The following GRID1 variants were observed in gnomAD, a reference collection of about 807,000 sequenced individuals.
The protein encoded by GRID1 is glutamate ionotropic receptor delta type subunit 1.
In GRID1, 28 loss-of-function variants were observed where a neutral mutation model predicts 98.0. The ratio of observed to expected loss-of-function variants is 0.29; its 90% CI spans 0.21 to 0.39. The LOEUF (loss-of-function observed/expected upper bound fraction) is 0.39. Among genes scored for constraint, GRID1 ranks in the 10% least tolerant of loss-of-function variants. The pLI is 1.00. For missense variants in GRID1, 1,111 were observed against 1,340.5 expected, an observed-to-expected ratio of 0.83 and a Z score of 2.67; for synonymous variants, 553 against 538.5, an observed-to-expected ratio of 1.03 and a Z score of -0.37.
intron 2 of GRID1, among the ~76,000 whole-genome samples, chr10:86,258,588 G>A (rs1168672106): frequency 6.6e-6 from 1 of 152,172 alleles, no homozygotes; most frequent in Non-Finnish European, 1.5e-5. Context: ...TCTCATGGCA[G>A]AGGGAAAAAC....
chr10:86,285,040 C>T (rs1217848508), intron 2 of GRID1, among the ~76,000 whole-genome samples: 1 of 152,166 alleles, frequency 6.6e-6, no homozygotes, highest in African/African-American at 2.4e-5. Flanking sequence ...GACAGTCCTC[C>T]CTCCACAGTG....
rs142940614 is a variant in GRID1 at position 85,739,952 on chromosome 10, T to A, written c.1234-10338A>T. Among the ~76,000 whole-genome samples, 242 of 152,332 alleles carry A rather than the reference T, an allele frequency of 1.6e-3. 1 individual carries two copies. Among genetic ancestry groups the A allele is most frequent in the African/African-American group, 5.6e-3 (233 of 41,578 alleles). The stretch of plus-strand genomic sequence containing the variant: ...TGGGATTATAAGGAATGTTCATCTC[T>A]TGCACTACACTGTACTATAAGGTTT... On this transcript the variant is annotated intron_variant, in intron 8 of 15. Transcript: ENST00000327946.
intron 2 of GRID1, among the ~76,000 whole-genome samples, chr10:86,340,720 G>T (rs1214293414): frequency 2.6e-5 from 4 of 152,136 alleles, no homozygotes; most frequent in Non-Finnish European, 5.9e-5. Flanking sequence ...GAGGGAAGAA[G>T]GAAAAAGGCA....
chr10:86,319,667 C>G (rs1461652587), intron 2 of GRID1, among the ~76,000 whole-genome samples: 1 of 152,226 alleles, frequency 6.6e-6, no homozygotes, highest in Admixed American at 6.5e-5. Context: ...ATAGTAGCAG[C>G]TGCCTCAGAG....
intron 6 of GRID1, among the ~76,000 whole-genome samples, chr10:85,865,965 A>ATACATATATATG (rs1564613340): frequency 1.2e-5 from 1 of 83,328 alleles, no homozygotes; most frequent in African/African-American, 6.1e-5. Flanking sequence ...GGAGAGAGAG[A>ATACATATATATG]GAGAGAGAGA....
chr10:86,243,441 G>A (rs956483395), intron 2 of GRID1, among the ~76,000 whole-genome samples: 1 of 152,158 alleles, frequency 6.6e-6, no homozygotes, highest in Non-Finnish European at 1.5e-5. Flanking sequence ...CCACTCAGCT[G>A]TCTGGGTCCT....
At chr10:85,770,639 T>G (rs952311806) in intron 8 of GRID1, among the ~76,000 whole-genome samples, 1 of 152,154 alleles carries the variant, frequency 6.6e-6, no homozygotes, top group African/African-American at 2.4e-5. Context: ...AAGGAACTGA[T>G]GGAGCTGAAA....
At chr10:86,276,794 A>G (rs373389819) in intron 2 of GRID1, among the ~76,000 whole-genome samples, 9 of 152,274 alleles carry the variant, frequency 5.9e-5, no homozygotes, top group Middle Eastern at 3.4e-3. Context: ...CCAGCCATCA[A>G]TAAGATTCGA....
intron 4 of GRID1, among the ~76,000 whole-genome samples, chr10:86,103,411 G>A (rs1483214780): frequency 6.6e-6 from 1 of 152,188 alleles, no homozygotes; most frequent in Non-Finnish European, 1.5e-5. Flanking sequence ...GAGGCCCGCA[G>A]TTCCCTGCCA....
rs143325747 is a variant in GRID1 at position 85,723,111 on chromosome 10, A to G, written c.1889T>C (p.Met630Thr). The change falls in exon 12 of 16, where the codon ATG becomes ACG. Residue 630 changes from methionine (M) to threonine (T), a missense_variant. Physicochemically the swap from Met to Thr is moderately conservative, Grantham distance 81 (BLOSUM62 -1). Coordinates refer to ENST00000327946, the MANE Select transcript of GRID1 (RefSeq NM_017551.3). Reference sequence around the variant, plus strand: ...CCACCAGCTGCCCATCACGATGCGCATGGCCATGGAGTTCACGGAAGATTC... The same window carrying G: ...CCACCAGCTGCCCATCACGATGCGCGTGGCCATGGAGTTCACGGAAGATTC... The part of the protein sequence containing the change: ...GGESSVNSMA[M>T]RIVMGSWWLF... The G allele has an allele frequency of 1.1e-5, 18 of 1,611,302 alleles. No individual in the cohort carries two copies. Among genetic ancestry groups the G allele is most frequent in the African/African-American group, 2.7e-5 (2 of 75,038 alleles).
chr10:85,758,368 G>A (rs1366927184), intron 8 of GRID1, among the ~76,000 whole-genome samples: 2 of 152,138 alleles, frequency 1.3e-5, no homozygotes, highest in Non-Finnish European at 2.9e-5. Context: ...AAACCACTAG[G>A]GGTGGGCAAT....
At chr10:85,704,882 C>T (rs1291830043) in intron 12 of GRID1, among the ~76,000 whole-genome samples, 1 of 152,040 alleles carries the variant, frequency 6.6e-6, no homozygotes, top group Non-Finnish European at 1.5e-5. Context: ...GGGTACATAA[C>T]GAAAGGAAGG....
At chr10:85,938,194 G>C (rs947582735) in intron 4 of GRID1, among the ~76,000 whole-genome samples, 2 of 152,158 alleles carry the variant, frequency 1.3e-5, no homozygotes, top group Admixed American at 1.3e-4. Context: ...TCTAGGGCAA[G>C]TTCTCCAGGA....
chr10:86,275,034 G>A (rs993640538), intron 2 of GRID1, among the ~76,000 whole-genome samples: 2 of 152,200 alleles, frequency 1.3e-5, no homozygotes, highest in African/African-American at 4.8e-5. Flanking sequence ...AAGTGTTGAA[G>A]GATTTCCCTA....
At chr10:86,288,096 C>A (rs919748963) in intron 2 of GRID1, among the ~76,000 whole-genome samples, 1 of 152,190 alleles carries the variant, frequency 6.6e-6, no homozygotes, top group Non-Finnish European at 1.5e-5. Flanking sequence ...GGCTGCCCGG[C>A]AGAAGCTGAG....
chr10:86,360,043 CT>C (rs1848580853), intron 2 of GRID1, among the ~76,000 whole-genome samples: 1 of 152,178 alleles, frequency 6.6e-6, no homozygotes, highest in Non-Finnish European at 1.5e-5. Flanking sequence ...TTGTAAGGAG[CT>C]TGTTAAAAGT....
At chr10:86,228,973 C>T (rs1368399652) in intron 2 of GRID1, among the ~76,000 whole-genome samples, 1 of 152,090 alleles carries the variant, frequency 6.6e-6, no homozygotes, top group African/African-American at 2.4e-5. Flanking sequence ...TCAGAGGCAC[C>T]CTGAACAAGG....
At chr10:85,969,983 A>G (rs898849468) in intron 4 of GRID1, among the ~76,000 whole-genome samples, 2 of 151,990 alleles carry the variant, frequency 1.3e-5, no homozygotes, top group African/African-American at 2.4e-5. Context: ...GATTCAAATT[A>G]CTAGAATCAG....
chr10:86,364,172 C>T, intron 1 of GRID1, 76 bp from the exon 2 acceptor site: 1 of 1,238,350 alleles, frequency 8.1e-7, no homozygotes, highest in Non-Finnish European at 1.2e-6. Context: ...AGGGTCAAGG[C>T]ACTCGCAGAC....
Sources: gnomAD v4.1 joint callset for allele counts (sites outside exome capture counted in the v4.1 genomes callset) on GRCh38, gnomAD v4.1.1 for gene constraint, MANE v1.5 for transcripts, NCBI Gene and HGNC (gene_info 2026-07-23, HGNC 2026-07-21) for gene names.